Variants in FERRY3 observed in about 807,000 individuals in gnomAD.
The protein encoded by FERRY3 is FERRY endosomal RAB5 effector complex subunit 3.
chr12:4,491,368 G>T, the FERRY3 span: 6 of 682,702 alleles, frequency 8.8e-6, no homozygotes, highest in South Asian at 6.6e-5. Flanking sequence ...ATCCCAACTG[G>T]ATTTCCTCTA....
At chr12:4,525,678 A>C in the FERRY3 span, 1 of 878,154 alleles carries the variant, frequency 1.1e-6, no homozygotes. Context: ...AGTGAAAATA[A>C]AAAATTTATT....
chr12:4,497,132 C>A, the FERRY3 span, among the ~76,000 whole-genome samples: 2 of 152,186 alleles, frequency 1.3e-5, no homozygotes, highest in African/African-American at 4.8e-5. Flanking sequence ...GGAGAAACTA[C>A]CCAAATGTCC....
At chr12:4,512,225 A>C in the FERRY3 span, among the ~76,000 whole-genome samples, 9 of 143,014 alleles carry the variant, frequency 6.3e-5, no homozygotes, top group African/African-American at 1.9e-4. Context: ...CAATAACAGG[A>C]TCTGAAATTG....
chr12:4,508,202 C>T, the FERRY3 span, among the ~76,000 whole-genome samples: 85 of 152,110 alleles, frequency 5.6e-4, 4 homozygotes, highest in Admixed American at 5.5e-3. Flanking sequence ...GAGATGGGAA[C>T]AAAGACCCTT....
chr12:4,504,345 T>C, the FERRY3 span, among the ~76,000 whole-genome samples: 11 of 152,180 alleles, frequency 7.2e-5, no homozygotes, highest in African/African-American at 2.7e-4. Context: ...ATGTACCATT[T>C]AGTTAAAAAA....
At chr12:4,531,481 G>A in the FERRY3 span, among the ~76,000 whole-genome samples, 1 of 152,164 alleles carries the variant, frequency 6.6e-6, no homozygotes, top group East Asian at 1.9e-4. Context: ...GAAGCTTTAT[G>A]AATAGGTAGA....
chr12:4,524,272 G>A, the FERRY3 span, among the ~76,000 whole-genome samples: 2 of 151,888 alleles, frequency 1.3e-5, no homozygotes, highest in Non-Finnish European at 2.9e-5. Flanking sequence ...ATTTTTAAAA[G>A]GCTCGTTGGA....
chr12:4,497,526 C>T, the FERRY3 span, among the ~76,000 whole-genome samples: 2 of 152,104 alleles, frequency 1.3e-5, no homozygotes, highest in Non-Finnish European at 2.9e-5. Context: ...TAAAAACAAA[C>T]AACAAAATCT....
the FERRY3 span, among the ~76,000 whole-genome samples, chr12:4,507,934 G>A: frequency 2.6e-5 from 4 of 152,190 alleles, no homozygotes; most frequent in Non-Finnish European, 5.9e-5. Flanking sequence ...GAGGGAAACT[G>A]GATGGCTGGG....
the FERRY3 span, among the ~76,000 whole-genome samples, chr12:4,517,761 A>C: frequency 6.6e-6 from 1 of 150,402 alleles, no homozygotes. Flanking sequence ...GCTAAAAATC[A>C]CCAAGCCAGA....
chr12:4,510,956 A>T, the FERRY3 span, among the ~76,000 whole-genome samples: 1 of 152,168 alleles, frequency 6.6e-6, no homozygotes, highest in African/African-American at 2.4e-5. Context: ...AATTGGATAA[A>T]GAGTCAAGAC....
chr12:4,533,994 C>T, the FERRY3 span: 1 of 639,348 alleles, frequency 1.6e-6, no homozygotes, highest in Non-Finnish European at 2.4e-6. Context: ...CTTATGTGCT[C>T]ACCCTGATAT....
chr12:4,490,464 C>T, the FERRY3 span: 1 of 1,363,096 alleles, frequency 7.3e-7, no homozygotes, highest in South Asian at 1.3e-5. Context: ...CTAGCTGTAT[C>T]TGTGAGAAAT....
At chr12:4,488,759 A>G in the FERRY3 span, 2 of 152,208 alleles carry the variant, frequency 1.3e-5, no homozygotes, top group Non-Finnish European at 2.9e-5. This position sits in a 1 kb window ranked among gnomAD's most constrained non-coding sequence, Gnocchi z 4.9. Context: ...CAATATCCAC[A>G]TAACTTGGAA....
chr12:4,498,936 C>A, the FERRY3 span, among the ~76,000 whole-genome samples: 1 of 152,160 alleles, frequency 6.6e-6, no homozygotes, highest in African/African-American at 2.4e-5. Flanking sequence ...GCTTGCCCTT[C>A]AATGCTCACC....
At chr12:4,531,963 A>T in the FERRY3 span, among the ~76,000 whole-genome samples, 1 of 152,326 alleles carries the variant, frequency 6.6e-6, no homozygotes, top group African/African-American at 2.4e-5. Flanking sequence ...GACCAGGGGA[A>T]AGCAAAAAGA....
the FERRY3 span, among the ~76,000 whole-genome samples, chr12:4,494,001 G>A: frequency 0.031 from 4,759 of 152,222 alleles, 105 homozygotes; most frequent in Non-Finnish European, 0.051. Context: ...GATGAGGCAG[G>A]AGAATTGCTT....
At chr12:4,526,667 C>T in the FERRY3 span, among the ~76,000 whole-genome samples, 2 of 151,976 alleles carry the variant, frequency 1.3e-5, no homozygotes, top group Non-Finnish European at 2.9e-5. Flanking sequence ...CGTGATGAAA[C>T]TCCATCTCTA....
At chr12:4,490,694 G>A in the FERRY3 span, 2 of 836,266 alleles carry the variant, frequency 2.4e-6, no homozygotes, top group South Asian at 3.4e-5. Flanking sequence ...TTCATGTCTT[G>A]ACTTTTTAGG....
Sources: gnomAD v4.1 joint callset for allele counts (sites outside exome capture counted in the v4.1 genomes callset) on GRCh38, gnomAD v4.1.1 for gene constraint, Gnocchi (gnomAD v3.1) non-coding constraint, MANE v1.5 for transcripts, NCBI Gene and HGNC (gene_info 2026-07-23, HGNC 2026-07-21) for gene names.